Variants in ZC3H11A observed in about 807,000 individuals in gnomAD.
The protein encoded by ZC3H11A is zinc finger CCCH domain-containing protein 11A.
In ZC3H11A, 22 loss-of-function variants were observed where a neutral mutation model predicts 90.8. The ratio of observed to expected loss-of-function variants is 0.24; its 90% CI spans 0.17 to 0.35. ZC3H11A has a LOEUF of 0.35. ZC3H11A is among the 10% of genes least tolerant of loss of function. ZC3H11A has a pLI of 1.00. For synonymous variants in ZC3H11A, 294 were observed against 339.8 expected (o/e 0.87, Z 1.48); for missense variants, 701 against 964.9 (o/e 0.73, Z 3.62).
chr1:203,847,272 A>G lies in ZC3H11A; in HGVS notation c.1131A>G (p.Gln377=), dbSNP rs761745558. 1 of 1,613,960 alleles carries G rather than the reference A, an allele frequency of 6.2e-7. No individual in the cohort carries two copies. Among genetic ancestry groups the G allele is most frequent in the Admixed American group, 1.7e-5 (1 of 60,000 alleles). Residue 377 remains glutamine (Q), a synonymous_variant, in exon 13 of 18, where the codon CAA becomes CAG. Transcript: ENST00000367210. ...ERASQKRGEL[Q]TKLKTEGPSK... ...CCAGTCAGAAACGTGGAGAATTGCA[A>G]ACTAAACTCAAGACAGAAGGACCTT... is the stretch of plus-strand genomic sequence containing the variant.
chr1:203,819,889 C>G (rs973840436), intron 4 of ZC3H11A, among the ~76,000 whole-genome samples: 1 of 151,410 alleles, frequency 6.6e-6, no homozygotes, highest in Non-Finnish European at 1.5e-5. Flanking sequence ...TCGTTTAATC[C>G]TTTGATCTCA....
intron 1 of ZC3H11A, chr1:203,798,359 C>T (rs746635288): frequency 3.3e-5 from 50 of 1,535,056 alleles, no homozygotes; most frequent in Non-Finnish European, 4.1e-5. Flanking sequence ...ATCCTCAGCA[C>T]ATCTCAAGAG....
At chr1:203,840,465 GCTTTTGATTTTTGTT>G in intron 12 of ZC3H11A, 91 bp downstream of exon 12, 1 of 1,320,480 alleles carries the variant, frequency 7.6e-7, no homozygotes, top group East Asian at 2.4e-5. Context: ...GCTTGCTAGG[GCTTTTGATTTTTGTT>G]CTTTTGTAGT....
intron 2 of ZC3H11A, chr1:203,806,042 G>C (rs1050746101): frequency 1.9e-6 from 1 of 533,370 alleles, no homozygotes. Flanking sequence ...TCCTGCTGCT[G>C]CTCATACATC....
rs1312917652 is a variant in ZC3H11A at position 203,852,637 on chromosome 1, CT to C, written c.*239del. On this transcript the variant is annotated 3_prime_UTR_variant, in exon 18 of 18. Coordinates refer to ENST00000367210, the MANE Select transcript of ZC3H11A (RefSeq NM_001376342.1). ...TTTATCATCTTTTGAGAAAAAAGTTCTGTCATACCCTTCTCTCCACAAAAAA... is the reference window on the plus strand; with the variant it reads ...TTTATCATCTTTTGAGAAAAAAGTTCGTCATACCCTTCTCTCCACAAAAAA... 3 of 522,486 alleles carry C rather than the reference CT, an allele frequency of 5.7e-6. No homozygotes were observed. The East Asian group carries it at 1.0e-4, about 18-fold the overall frequency. The allele number at this position is 522,486 out of a possible 1,614,324, so 32.4% of individuals were successfully genotyped here.
At chr1:203,841,234 T>C (rs2103256900) in intron 12 of ZC3H11A, among the ~76,000 whole-genome samples, 2 of 150,246 alleles carry the variant, frequency 1.3e-5, no homozygotes, top group South Asian at 2.1e-4. Flanking sequence ...AGGACAACAG[T>C]GGAGGGAAGG....
intron 12 of ZC3H11A, among the ~76,000 whole-genome samples, chr1:203,845,041 T>C (rs1025361964): frequency 6.6e-6 from 1 of 152,142 alleles, no homozygotes; most frequent in Non-Finnish European, 1.5e-5. Context: ...ATCCCACCGT[T>C]GCTTTTAATA....
Position 203,831,705 on chromosome 1 carries a change from G to A in ZC3H11A, c.745G>A (p.Val249Ile), listed in dbSNP as rs779675915. 17 of 1,613,088 alleles carry A rather than the reference G, an allele frequency of 1.1e-5. No individual in the cohort carries two copies. The highest frequency in any genetic ancestry group is 3.3e-5 in the South Asian group (3 of 90,754). The change falls in exon 9 of 18, where the codon GTT becomes ATT. Residue 249 changes from valine to isoleucine, a missense_variant. Around this residue, in one of 4 missense-constraint regions of ZC3H11A, gnomAD observed 530 missense variants for 696.2 expected, o/e 0.76. Transcript: ENST00000367210. ...VSSLLLHPEP[V>I]PGPEKENVRT... is the part of the protein sequence containing the mutation. ...CAGTCTTTTACTCCACCCTGAGCCC[G>A]TTCCAGGTCCTGAAAAAGAAAATGT...
At chr1:203,841,444 A>G (rs1267283336) in intron 12 of ZC3H11A, among the ~76,000 whole-genome samples, 2 of 152,180 alleles carry the variant, frequency 1.3e-5, no homozygotes, top group African/African-American at 4.8e-5. Flanking sequence ...TGGACACAGC[A>G]CATGTTTCAG....
At chr1:203,815,564 G>A (rs557331248) in intron 2 of ZC3H11A, among the ~76,000 whole-genome samples, 1 of 151,850 alleles carries the variant, frequency 6.6e-6, no homozygotes, top group African/African-American at 2.4e-5. Flanking sequence ...ATTGTGCATT[G>A]TTACCTTTAA....
intron 12 of ZC3H11A, among the ~76,000 whole-genome samples, chr1:203,841,062 A>C (rs146793630): frequency 2.0e-5 from 3 of 152,198 alleles, no homozygotes; most frequent in Non-Finnish European, 4.4e-5. Context: ...GGAAAAATCA[A>C]CTTGCATTGT....
chr1:203,799,946 G>T, intron 1 of ZC3H11A: 2 of 1,536,114 alleles, frequency 1.3e-6, no homozygotes, highest in Non-Finnish European at 1.7e-6. Context: ...CTTCACCAGA[G>T]ATCTGCCAAA....
chr1:203,808,782 G>A (rs999684350), intron 2 of ZC3H11A, among the ~76,000 whole-genome samples: 4 of 151,934 alleles, frequency 2.6e-5, no homozygotes, highest in African/African-American at 7.2e-5. Flanking sequence ...CATCTTCGTC[G>A]TCGTCATCGC....
chr1:203,829,369 G>C (rs572572552), intron 5 of ZC3H11A, 82 bp from the exon 6 acceptor site: 3 of 1,400,004 alleles, frequency 2.1e-6, no homozygotes, highest in Non-Finnish European at 3.0e-6. Flanking sequence ...ATACACTATA[G>C]TTTTCATAGG....
In ZC3H11A at chr1:203,802,680, T is replaced by A. The variant is rs1670886081; in HGVS notation, c.-482T>A. 6.6e-6 allele frequency: 1 copy of A among 151,922 alleles called. No individual in the cohort carries two copies. Among genetic ancestry groups the A allele is most frequent in the African/African-American group, 2.4e-5 (1 of 41,278 alleles). The allele number at this position is 151,922 out of a possible 1,614,324, so 9.4% of individuals were successfully genotyped here. A position where few individuals can be genotyped will look rare whatever the true frequency, so the allele number is the denominator to read the frequency against. Reference sequence around the variant, plus strand: ...TGGAAGATGGAGTTTTTTTTCATGATCCTTTAACTCTCAAGTTCATCTTTA... The same window carrying A: ...TGGAAGATGGAGTTTTTTTTCATGAACCTTTAACTCTCAAGTTCATCTTTA... On this transcript the variant is annotated 5_prime_UTR_variant, in exon 2 of 18. Transcript: ENST00000367210.
chr1:203,850,140 C>A, intron 15 of ZC3H11A, 114 bp downstream of exon 15: 3 of 868,370 alleles, frequency 3.5e-6, no homozygotes, highest in Non-Finnish European at 5.4e-6. Context: ...TGCCTTCTAT[C>A]CACAGGTAGA....
intron 11 of ZC3H11A, among the ~76,000 whole-genome samples, chr1:203,838,684 G>T (rs1685120366): frequency 6.6e-6 from 1 of 152,042 alleles, no homozygotes; most frequent in African/African-American, 2.4e-5. Context: ...GGCACGGTAG[G>T]TCATGCCTGT....
intron 2 of ZC3H11A, among the ~76,000 whole-genome samples, chr1:203,809,943 A>T (rs1443305479): frequency 6.6e-6 from 1 of 152,152 alleles, no homozygotes; most frequent in Non-Finnish European, 1.5e-5. Context: ...CAACAGAGCG[A>T]GACTCTCTCA....
intron 7 of ZC3H11A, 108 bp from the exon 8 acceptor site, chr1:203,830,011 ATACT>A (rs1681750817): frequency 3.8e-6 from 5 of 1,299,340 alleles, no homozygotes; most frequent in Non-Finnish European, 4.4e-6. Context: ...ATACTTACCT[ATACT>A]TAGTTTCTGT....
Sources: allele counts gnomAD v4.1 joint callset (sites outside exome capture counted in the v4.1 genomes callset), GRCh38; gene constraint gnomAD v4.1.1; regional missense constraint gnomAD v4.1.1; transcripts MANE v1.5; gene names NCBI Gene and HGNC (gene_info 2026-07-23, HGNC 2026-07-21).